Variants in P2RX1 observed in about 807,000 individuals in gnomAD.
P2RX1 encodes P2X purinoceptor 1.
P2RX1 carries 42 observed loss-of-function variants against 50.3 expected under a neutral mutation model. That is an observed-to-expected ratio of 0.83 (90% CI 0.65 to 1.08). The LOEUF (loss-of-function observed/expected upper bound fraction) is 1.08. Ranked by LOEUF, P2RX1 falls within the 50% of genes least tolerant of loss-of-function variation. The probability of loss-of-function intolerance (pLI) is 0.00; values close to 1 mark genes in which losing one functional copy is unlikely to be tolerated. For missense variants in P2RX1, 449 were observed against 529.0 expected, an observed-to-expected ratio of 0.85 and a Z score of 1.48; for synonymous variants, 199 against 202.6, an observed-to-expected ratio of 0.98 and a Z score of 0.15.
At chr17:3,899,502 C>T (rs1338886051) in intron 8 of P2RX1, 132 bp downstream of exon 8, 13 of 1,247,346 alleles carry the variant, frequency 1.0e-5, no homozygotes, top group Non-Finnish European at 1.4e-5. Context: ...CATGGCCACC[C>T]AGGCAGAATG....
chr17:3,904,420 T>G, intron 3 of P2RX1, 21 bp from the exon 4 acceptor site: 1 of 1,609,706 alleles, frequency 6.2e-7, no homozygotes, highest in East Asian at 2.2e-5. Flanking sequence ...CAAAAGCTGC[T>G]GGTCCCAGGC....
At chr17:3,908,194 G>A (rs2144040845) in intron 1 of P2RX1, among the ~76,000 whole-genome samples, 1 of 152,290 alleles carries the variant, frequency 6.6e-6, no homozygotes, top group Admixed American at 6.5e-5. Context: ...ATGCACCTTG[G>A]AGCTGCCGGT....
rs200685990 is a variant in P2RX1 at position 3,897,542 on chromosome 17, T to G, written c.*272A>C. ...GAGAAGCACGAAGCTAGGGTGCAGGTGTGTGGGAGGGTCCTGCCCAGCCCC... is the reference window on the plus strand; with the variant it reads ...GAGAAGCACGAAGCTAGGGTGCAGGGGTGTGGGAGGGTCCTGCCCAGCCCC... On this transcript the variant is annotated 3_prime_UTR_variant, in exon 12 of 12. Transcript: ENST00000225538. 1,273 of 567,100 alleles carry G rather than the reference T, an allele frequency of 2.2e-3. 15 individuals are homozygous for G. Among genetic ancestry groups the G allele is most frequent in the African/African-American group, 0.022 (1,165 of 53,352 alleles). The allele number at this position is 567,100 out of a possible 1,614,324, so 35.1% of individuals were successfully genotyped here.
chr17:3,904,611 T>C, intron 3 of P2RX1: 4 of 631,630 alleles, frequency 6.3e-6, no homozygotes, highest in Non-Finnish European at 1.1e-5. Flanking sequence ...CCACTGCCAA[T>C]GTCAGCTGGG....
At chr17:3,916,021 A>G (rs569226959) in intron 1 of P2RX1, 68 bp downstream of exon 1, 190 of 1,576,672 alleles carry the variant, frequency 1.2e-4, no homozygotes, top group Admixed American at 4.8e-4. Context: ...CACGCAAGGG[A>G]TGTCAGAGTC....
intron 10 of P2RX1, 87 bp downstream of exon 10, chr17:3,898,397 T>G (rs1211703363): frequency 9.4e-7 from 1 of 1,068,804 alleles, no homozygotes; most frequent in Non-Finnish European, 1.4e-6. Context: ...GGGTCAAGTT[T>G]TAGGGTGAGG....
chr17:3,899,121 C>A, intron 8 of P2RX1, 97 bp from the exon 9 acceptor site: 1 of 848,434 alleles, frequency 1.2e-6, no homozygotes, highest in South Asian at 1.3e-5. Context: ...TTAGTGGTCT[C>A]TGAGTACAGC....
At chr17:3,906,842 A>G (rs2056274801) in intron 1 of P2RX1, among the ~76,000 whole-genome samples, 1 of 152,226 alleles carries the variant, frequency 6.6e-6, no homozygotes. Flanking sequence ...AGTAACAGTG[A>G]CGGGTCTAAG....
At chr17:3,901,939 C>T (rs1400817520) in intron 7 of P2RX1, among the ~76,000 whole-genome samples, 1 of 152,004 alleles carries the variant, frequency 6.6e-6, no homozygotes, top group African/African-American at 2.4e-5. Context: ...AACTCACACC[C>T]ACTGAAGTTA....
At chr17:3,899,825 G>C in intron 7 of P2RX1, 64 bp from the exon 8 acceptor site, 1 of 1,592,236 alleles carries the variant, frequency 6.3e-7, no homozygotes, top group Non-Finnish European at 8.6e-7. Context: ...TCTCAGCCGG[G>C]CGCAGTGGCT....
intron 7 of P2RX1, 136 bp from the exon 8 acceptor site, chr17:3,899,897 T>TC (rs1325930227): frequency 7.7e-6 from 8 of 1,035,116 alleles, no homozygotes; most frequent in Non-Finnish European, 1.0e-5. Flanking sequence ...GGCCAGGAGT[T>TC]CAAGACCAGT....
chr17:3,898,265 T>A (rs1040363076), intron 10 of P2RX1, among the ~76,000 whole-genome samples, 155 bp from the exon 11 acceptor site: 1 of 151,696 alleles, frequency 6.6e-6, no homozygotes, highest in Non-Finnish European at 1.5e-5. Context: ...CCTGCAGGAC[T>A]CTCAGGGGAC....
At chr17:3,912,241 G>A (rs192927784) in intron 1 of P2RX1, among the ~76,000 whole-genome samples, 31 of 152,288 alleles carry the variant, frequency 2.0e-4, no homozygotes, top group Middle Eastern at 3.4e-3. Context: ...GGATCCAGCC[G>A]GGCCTGAAAC....
chr17:3,902,925 GTT>G (rs555049705), intron 7 of P2RX1, among the ~76,000 whole-genome samples: 7 of 143,108 alleles, frequency 4.9e-5, no homozygotes, highest in Admixed American at 7.0e-5. Flanking sequence ...CTTTTATCTA[GTT>G]TTTTTTTTTT....
chr17:3,898,600 C>T (rs771580298), intron 9 of P2RX1, 51 bp from the exon 10 acceptor site: 1 of 1,441,730 alleles, frequency 6.9e-7, no homozygotes. Flanking sequence ...AGGGGCCCAG[C>T]TGGAAAAGGC....
In P2RX1 at chr17:3,898,931, C is replaced by A; in HGVS notation, c.966+3G>T. 1.2e-6 allele frequency: 2 copies of A among 1,611,526 alleles called. No homozygotes were observed. Among genetic ancestry groups the A allele is most frequent in the South Asian group, 1.1e-5 (1 of 91,026 alleles). Reference sequence around the variant, plus strand: ...TGCCACCACCCTCACACTGGACACTCACCTTGCCGTCCACCAGGATGTCAA... The same window carrying A: ...TGCCACCACCCTCACACTGGACACTAACCTTGCCGTCCACCAGGATGTCAA... On this transcript the variant is annotated splice_donor_region_variant and intron_variant, in intron 9 of 11. Transcript: ENST00000225538.
chr17:3,908,252 A>G (rs2056302730), intron 1 of P2RX1, among the ~76,000 whole-genome samples: 1 of 152,122 alleles, frequency 6.6e-6, no homozygotes, highest in African/African-American at 2.4e-5. Flanking sequence ...TCATGACCTC[A>G]ACTCTGGTGA....
intron 1 of P2RX1, among the ~76,000 whole-genome samples, chr17:3,906,757 A>G (rs1209903888): frequency 6.6e-6 from 1 of 152,342 alleles, no homozygotes; most frequent in East Asian, 1.9e-4. Context: ...GGAAGGTTCC[A>G]TGAGGCTAAC....
intron 7 of P2RX1, among the ~76,000 whole-genome samples, chr17:3,901,253 G>C (rs553133659): frequency 6.6e-6 from 1 of 152,314 alleles, no homozygotes; most frequent in East Asian, 1.9e-4. Context: ...ATTTTTAGTA[G>C]AGACGGGGTT....
Sources: allele counts gnomAD v4.1 joint callset (sites outside exome capture counted in the v4.1 genomes callset), GRCh38; gene constraint gnomAD v4.1.1; transcripts MANE v1.5; gene names NCBI Gene and HGNC (gene_info 2026-07-23, HGNC 2026-07-21).